Variants in LRRC28 observed in about 807,000 individuals in gnomAD.
LRRC28 encodes the protein leucine-rich repeat-containing protein 28.
LRRC28 carries 39 observed loss-of-function variants against 45.7 expected under a neutral mutation model. That is an observed-to-expected ratio of 0.85 (90% CI 0.66 to 1.12). The LOEUF is 1.12. LRRC28 is among the 50% of genes most tolerant of loss of function. The pLI is 0.00. For synonymous variants in LRRC28, 206 were observed against 178.8 expected, an observed-to-expected ratio of 1.15 and a Z score of -1.22; for missense variants, 435 against 438.5, an observed-to-expected ratio of 0.99 and a Z score of 0.07.
intron 5 of LRRC28, chr15:99,331,949 G>A (rs939257761): frequency 7.2e-5 from 11 of 152,164 alleles, no homozygotes; most frequent in African/African-American, 2.4e-4. Flanking sequence ...AGCTCCTCTT[G>A]CACCTCGTCG....
intron 5 of LRRC28, among the ~76,000 whole-genome samples, chr15:99,331,131 A>G (rs1386419209): frequency 1.3e-5 from 2 of 152,190 alleles, no homozygotes; most frequent in Non-Finnish European, 2.9e-5. Context: ...AAGCCTTAGT[A>G]ATTTTTGCAG....
At chr15:99,321,506 T>C (rs1265818180) in intron 5 of LRRC28, among the ~76,000 whole-genome samples, 1 of 152,182 alleles carries the variant, frequency 6.6e-6, no homozygotes, top group East Asian at 1.9e-4. Context: ...ACAGAGATAA[T>C]TATAAGACAT....
At chr15:99,285,866 G>T in intron 3 of LRRC28, 1 of 354,752 alleles carries the variant, frequency 2.8e-6, no homozygotes, top group Non-Finnish European at 5.4e-6. Flanking sequence ...AATGTTTAAA[G>T]AGTATTGATT....
chr15:99,278,949 C>G (rs1490732884), intron 3 of LRRC28, among the ~76,000 whole-genome samples: 2 of 152,306 alleles, frequency 1.3e-5, no homozygotes, highest in South Asian at 4.1e-4. Context: ...TTGATGTTGG[C>G]TAGAGCACTT....
chr15:99,287,782 A>G (rs761345579), intron 4 of LRRC28, 32 bp from the exon 5 acceptor site: 1 of 1,569,010 alleles, frequency 6.4e-7, no homozygotes, highest in African/African-American at 1.4e-5. Flanking sequence ...CTTGAGTCAA[A>G]TTCATTTTGC....
At chr15:99,384,492 T>C (rs189505741) in intron 9 of LRRC28, 28 of 152,318 alleles carry the variant, frequency 1.8e-4, no homozygotes, top group African/African-American at 6.3e-4. Flanking sequence ...CTTCATAAAA[T>C]AAGGATTCAC....
intron 6 of LRRC28, among the ~76,000 whole-genome samples, chr15:99,339,264 T>G (rs1426789475): frequency 6.6e-6 from 1 of 152,190 alleles, no homozygotes; most frequent in African/African-American, 2.4e-5. Flanking sequence ...ATAATAGATA[T>G]AAGGATTGTG....
In LRRC28 at chr15:99,336,128, A is replaced by G. The variant is rs189771818; in HGVS notation, c.592+1999A>G. On this transcript the variant is annotated intron_variant, in intron 6 of 9. Transcript: ENST00000301981. ...TGGTATTATGTATACTACTATGACT[A>G]TTTGTAAGAATAATAATAGCTACCA... Among the ~76,000 whole-genome samples the G allele has an allele frequency of 2.0e-3, 307 of 152,300 alleles. 4 individuals carry two copies. The highest frequency in any genetic ancestry group is 2.1e-4 in the Non-Finnish European group (14 of 68,018).
At chr15:99,259,272 C>A in intron 2 of LRRC28, 1 of 1,078,588 alleles carries the variant, frequency 9.3e-7, no homozygotes. Context: ...GAATCTTCTC[C>A]ATTTGTTTAG....
intron 6 of LRRC28, among the ~76,000 whole-genome samples, chr15:99,340,688 T>C (rs1956476718): frequency 6.6e-6 from 1 of 152,228 alleles, no homozygotes; most frequent in African/African-American, 2.4e-5. Flanking sequence ...CATTCTAGTA[T>C]GGACAAAAAG....
intron 6 of LRRC28, among the ~76,000 whole-genome samples, chr15:99,338,801 C>T (rs922885235): frequency 1.3e-5 from 2 of 152,228 alleles, no homozygotes; most frequent in Non-Finnish European, 2.9e-5. Context: ...AACCCATTAA[C>T]AGTCTTTGAG....
intron 7 of LRRC28, among the ~76,000 whole-genome samples, chr15:99,360,163 C>T (rs1957162479): frequency 6.6e-6 from 1 of 152,140 alleles, no homozygotes; most frequent in Non-Finnish European, 1.5e-5. Context: ...CCATCCATAC[C>T]CTGCATCCCT....
chr15:99,254,559 C>G (rs1453244742), intron 1 of LRRC28, among the ~76,000 whole-genome samples: 1 of 152,154 alleles, frequency 6.6e-6, no homozygotes, highest in Non-Finnish European at 1.5e-5. Flanking sequence ...CAGAGCTCAA[C>G]TTCTTTGTAG....
rs950834337 is a variant in LRRC28 at position 99,382,033 on chromosome 15, G to A, written c.1032-3997G>A. ...TTCTCAGATCTCAAACTCCGTGCTGGGAGATCCACTACTCACTTCAAAGCT... is the reference window on the plus strand; with the variant it reads ...TTCTCAGATCTCAAACTCCGTGCTGAGAGATCCACTACTCACTTCAAAGCT... On this transcript the variant is annotated intron_variant, in intron 9 of 9. Transcript: ENST00000301981. Among the ~76,000 whole-genome samples the A allele has an allele frequency of 3.3e-5, 5 of 152,310 alleles. No homozygotes were observed. The South Asian group carries it at 6.2e-4, about 19-fold the overall frequency.
At chr15:99,362,591 A>G (rs1475469655) in intron 8 of LRRC28, among the ~76,000 whole-genome samples, 2 of 152,212 alleles carry the variant, frequency 1.3e-5, no homozygotes, top group Non-Finnish European at 2.9e-5. Context: ...TTATGAGAGT[A>G]AGTCAAGCAA....
chr15:99,385,301 G>A (rs1001514833), intron 9 of LRRC28, among the ~76,000 whole-genome samples: 5 of 152,210 alleles, frequency 3.3e-5, no homozygotes, highest in African/African-American at 7.2e-5. Context: ...AGGGAAAGGC[G>A]GACTGTGTTG....
chr15:99,382,040 C>A (rs984800769), intron 9 of LRRC28, among the ~76,000 whole-genome samples: 1 of 152,216 alleles, frequency 6.6e-6, no homozygotes, highest in Non-Finnish European at 1.5e-5. Flanking sequence ...CTGGGAGATC[C>A]ACTACTCACT....
At chr15:99,370,718 TA>T (rs1957462255) in intron 9 of LRRC28, among the ~76,000 whole-genome samples, 1 of 152,204 alleles carries the variant, frequency 6.6e-6, no homozygotes, top group South Asian at 2.1e-4. Context: ...GCAAGTTACA[TA>T]AAAGATTGCA....
chr15:99,374,945 G>A (rs1422329252), intron 9 of LRRC28, among the ~76,000 whole-genome samples: 1 of 152,080 alleles, frequency 6.6e-6, no homozygotes, highest in Non-Finnish European at 1.5e-5. Context: ...GGGATTACAG[G>A]CATGAGCCAC....
Sources: gnomAD v4.1 joint callset for allele counts (sites outside exome capture counted in the v4.1 genomes callset) on GRCh38, gnomAD v4.1.1 for gene constraint, MANE v1.5 for transcripts, NCBI Gene and HGNC (gene_info 2026-07-23, HGNC 2026-07-21) for gene names.